SND1: variants seen among roughly 807,000 people sequenced by gnomAD.
The protein encoded by SND1 is staphylococcal nuclease and tudor domain containing 1.
Under a neutral mutation model 121.7 loss-of-function variants are expected in SND1, and 38 were observed. That is an observed-to-expected ratio of 0.31 (90% CI 0.24 to 0.41). The LOEUF (loss-of-function observed/expected upper bound fraction) is 0.41, where lower values mean the gene tolerates loss of function less well. Among genes scored for constraint, SND1 ranks in the 10% least tolerant of loss-of-function variants. SND1 has a pLI of 1.00. For synonymous variants in SND1, 401 were observed against 447.4 expected (o/e 0.90, Z 1.31); for missense variants, 868 against 1,184.6 (o/e 0.73, Z 3.92).
chr7:127,956,958 C>T (rs1285144994), intron 15 of SND1, among the ~76,000 whole-genome samples: 1 of 152,162 alleles, frequency 6.6e-6, no homozygotes, highest in East Asian at 1.9e-4. Flanking sequence ...ATCCTCAGCA[C>T]CTAGGACACT....
At chr7:127,728,833 C>G (rs77332124) in intron 10 of SND1, among the ~76,000 whole-genome samples, 3,085 of 152,330 alleles carry the variant, frequency 0.02, 110 homozygotes, top group African/African-American at 0.071. Context: ...GGCTAACCCC[C>G]TTGACTGCTC....
intron 14 of SND1, among the ~76,000 whole-genome samples, chr7:127,927,403 T>A (rs973864616): frequency 2.6e-5 from 4 of 152,246 alleles, no homozygotes; most frequent in Non-Finnish European, 5.9e-5. Flanking sequence ...ATGAATAGTG[T>A]CCCAGATTTA....
chr7:127,660,752 C>T (rs746717208), intron 1 of SND1, among the ~76,000 whole-genome samples: 31 of 152,182 alleles, frequency 2.0e-4, no homozygotes, highest in Non-Finnish European at 4.3e-4. Context: ...GTTGCTCACA[C>T]AGTTTCTTTA....
intron 16 of SND1, among the ~76,000 whole-genome samples, chr7:128,037,818 CTT>C (rs777856777): frequency 5.9e-5 from 9 of 152,210 alleles, no homozygotes; most frequent in Non-Finnish European, 8.8e-5. Flanking sequence ...AAATCTGTCT[CTT>C]ATTTTCTGTT....
intron 12 of SND1, among the ~76,000 whole-genome samples, chr7:127,862,875 T>C (rs773304509): frequency 4.6e-5 from 7 of 152,244 alleles, no homozygotes; most frequent in Non-Finnish European, 8.8e-5. Context: ...CACTGACAGC[T>C]TCGTCTCCTA....
intron 15 of SND1, among the ~76,000 whole-genome samples, chr7:127,988,089 C>T (rs1216066865): frequency 6.6e-6 from 1 of 152,170 alleles, no homozygotes; most frequent in Non-Finnish European, 1.5e-5. Flanking sequence ...TGGTTGTCTA[C>T]AGGTGTTTGT....
At chr7:127,966,796 A>G (rs2116878980) in intron 15 of SND1, among the ~76,000 whole-genome samples, 1 of 131,256 alleles carries the variant, frequency 7.6e-6, no homozygotes, top group Admixed American at 8.0e-5. Flanking sequence ...TAAAAGAACT[A>G]GAAAAGCAAG....
In SND1 at chr7:127,652,460, G is replaced by T; in HGVS notation, c.78+9G>T. ...GGGGCATCATCAAGATGGTGAGAAC[G>T]GGCCCCGGACACCGACCCCTCTGCC... is the stretch of plus-strand genomic sequence containing the variant. On this transcript the variant is annotated intron_variant, in intron 1 of 23. Coordinates refer to ENST00000354725, the MANE Select transcript of SND1 (RefSeq NM_014390.4). 6.4e-7 allele frequency: 1 copy of T among 1,566,606 alleles called. No homozygotes were observed. The highest frequency in any genetic ancestry group is 8.7e-7 in the Non-Finnish European group (1 of 1,155,066).
chr7:128,090,077 AC>A (rs1486019203), intron 22 of SND1, among the ~76,000 whole-genome samples: 1 of 151,916 alleles, frequency 6.6e-6, no homozygotes. Flanking sequence ...ACCCAGTGCC[AC>A]CCCGAGCCAG....
chr7:127,729,759 T>C (rs925820545), intron 10 of SND1, among the ~76,000 whole-genome samples: 2 of 152,246 alleles, frequency 1.3e-5, no homozygotes, highest in African/African-American at 4.8e-5. Flanking sequence ...TGATGGATTA[T>C]GGATGAAGCA....
chr7:127,875,557 T>TCC (rs1226063325), intron 12 of SND1, among the ~76,000 whole-genome samples: 1 of 152,172 alleles, frequency 6.6e-6, no homozygotes, highest in Admixed American at 6.5e-5. Flanking sequence ...GTGGCACTGT[T>TCC]GAGTCAAAAG....
At chr7:128,088,279 TA>T (rs35128808) in intron 21 of SND1, among the ~76,000 whole-genome samples, 32,793 of 104,224 alleles carry the variant, frequency 0.31, 4,723 homozygotes, top group African/African-American at 0.38. Context: ...ACCCTGTCTC[TA>T]AAAAAAAAAA....
intron 10 of SND1, among the ~76,000 whole-genome samples, chr7:127,762,590 G>A (rs1313368618): frequency 6.6e-6 from 1 of 152,206 alleles, no homozygotes; most frequent in Non-Finnish European, 1.5e-5. Flanking sequence ...GGATTTTGGA[G>A]GAGCATAGTT....
chr7:127,991,439 TGA>T (rs1266453254), intron 16 of SND1, among the ~76,000 whole-genome samples: 1 of 152,244 alleles, frequency 6.6e-6, no homozygotes, highest in African/African-American at 2.4e-5. Flanking sequence ...TTTGTATCTT[TGA>T]GTAATTGTAT....
intron 11 of SND1, among the ~76,000 whole-genome samples, chr7:127,825,927 C>T (rs1427119919): frequency 6.6e-6 from 1 of 152,142 alleles, no homozygotes; most frequent in East Asian, 1.9e-4. Flanking sequence ...CGTGGTGGCT[C>T]ATGCCTGTAA....
At chr7:128,054,197 A>G (rs1356358422) in intron 16 of SND1, among the ~76,000 whole-genome samples, 2 of 152,218 alleles carry the variant, frequency 1.3e-5, no homozygotes, top group African/African-American at 4.8e-5. Context: ...CACAGGCCTC[A>G]GTGCCTTCTC....
At chr7:127,807,700 C>A in intron 11 of SND1, 127 bp downstream of exon 11, 2 of 733,682 alleles carry the variant, frequency 2.7e-6, no homozygotes, top group Non-Finnish European at 4.7e-6. Context: ...AATGGAATTA[C>A]TTTGATATGA....
At chr7:127,841,392 T>C (rs1798962399) in intron 11 of SND1, among the ~76,000 whole-genome samples, 2 of 152,190 alleles carry the variant, frequency 1.3e-5, no homozygotes, top group Admixed American at 1.3e-4. Flanking sequence ...CACATATTTA[T>C]TAACTTCCCA....
chr7:127,777,372 CAGAA>C (rs1457690197), intron 10 of SND1, among the ~76,000 whole-genome samples: 5 of 152,112 alleles, frequency 3.3e-5, no homozygotes, highest in Admixed American at 3.3e-4. Flanking sequence ...TTGGAAAACT[CAGAA>C]AGAGTTGATA....
Sources: allele counts gnomAD v4.1 joint callset (sites outside exome capture counted in the v4.1 genomes callset), GRCh38; gene constraint gnomAD v4.1.1; transcripts MANE v1.5; gene names NCBI Gene and HGNC (gene_info 2026-07-23, HGNC 2026-07-21).